TUBGCP2: variants seen among roughly 807,000 people sequenced by gnomAD.
TUBGCP2 encodes tubulin gamma complex component 2, also known as gamma-tubulin complex component 2.
In TUBGCP2, 55 loss-of-function variants were observed where a neutral mutation model predicts 92.2. The ratio of observed to expected loss-of-function variants is 0.60; its 90% confidence interval spans 0.48 to 0.75. The LOEUF (loss-of-function observed/expected upper bound fraction) is 0.75, where lower values mean the gene tolerates loss of function less well. TUBGCP2 is among the 30% of genes least tolerant of loss of function. TUBGCP2 has a pLI of 0.00. For synonymous variants in TUBGCP2, 533 were observed against 505.2 expected (o/e 1.06, Z -0.74); for missense variants, 1,093 against 1,188.9 (o/e 0.92, Z 1.19).
Position 133,293,121 on chromosome 10 carries a change from G to A in TUBGCP2, c.942C>T (p.His314=). The change falls in exon 7 of 18, where the codon CAC becomes CAT. Residue 314 remains histidine (H), a synonymous_variant. Transcript: ENST00000252936. ...LILVSQLEQL[H]RQGLLSLQKL... is the part of the protein sequence containing the mutation. ...TCTGCAGCGAAAGGAGGCCCTGCCT[G>A]TGCAGCTGCTCCAGCTGTGACACCA... is the stretch of plus-strand genomic sequence containing the variant. 6.2e-7 allele frequency: 1 copy of A among 1,613,904 alleles called. No homozygotes were observed. The highest frequency in any genetic ancestry group is 1.1e-5 in the South Asian group (1 of 91,074).
upstream of TUBGCP2, chr10:133,309,632 G>A (rs1847941284): frequency 3.2e-6 from 4 of 1,266,096 alleles, no homozygotes; most frequent in Non-Finnish European, 4.5e-6. Context: ...GCCTGTTTGT[G>A]AAACTTAATT....
At chr10:133,298,236 G>A in intron 4 of TUBGCP2, 125 bp from the exon 5 acceptor site, 1 of 1,044,544 alleles carries the variant, frequency 9.6e-7, no homozygotes, top group Non-Finnish European at 1.4e-6. Flanking sequence ...ACCCACAAAG[G>A]GTCAACCACA....
chr10:133,296,234 G>A (rs1847485101), intron 5 of TUBGCP2, among the ~76,000 whole-genome samples: 1 of 152,186 alleles, frequency 6.6e-6, no homozygotes, highest in Non-Finnish European at 1.5e-5. Flanking sequence ...TGGGGGGAAA[G>A]CCTGAACACC....
chr10:133,293,581 T>C lies in TUBGCP2; in HGVS notation c.805A>G (p.Ser269Gly), dbSNP rs555713963. ...GCCCACCTGGTCACAGCGGAGTAGC[T>C]GGCGGCCACTGGGAGGATCCTGTGC... is the stretch of plus-strand genomic sequence containing the variant. ...LVHRILPVAA[S>G]YSAVTRFIEE... Residue 269 changes from serine to glycine, a missense_variant, in exon 6 of 18, where the codon AGC becomes GGC. Ser to Gly is a moderately conservative substitution (Grantham distance 56). This residue lies in a region of TUBGCP2 where 490 missense variants were observed against 488.5 expected (regional missense o/e 1.00). Coordinates refer to ENST00000252936, the MANE Select transcript of TUBGCP2 (RefSeq NM_006659.4). 9 of 1,552,944 alleles carry C rather than the reference T, an allele frequency of 5.8e-6. No homozygotes were observed. The Middle Eastern group carries it at 6.7e-4, about 115-fold the overall frequency.
chr10:133,298,146 G>A (rs778351046), intron 4 of TUBGCP2, 35 bp from the exon 5 acceptor site: 4 of 1,605,828 alleles, frequency 2.5e-6, no homozygotes, highest in African/African-American at 2.7e-5. Flanking sequence ...AAACCAGAAA[G>A]ATACACTTTA....
At chr10:133,305,982 T>G (rs749004701) in intron 1 of TUBGCP2, among the ~76,000 whole-genome samples, 4 of 152,224 alleles carry the variant, frequency 2.6e-5, no homozygotes, top group Non-Finnish European at 5.9e-5. Context: ...CCCTAGGTCC[T>G]GCGTAGAGCT....
intron 11 of TUBGCP2, among the ~76,000 whole-genome samples, 161 bp downstream of exon 11, chr10:133,287,968 G>A (rs995636291): frequency 5.9e-5 from 9 of 152,150 alleles, no homozygotes; most frequent in Non-Finnish European, 1.3e-4. Flanking sequence ...AAAGACCCCC[G>A]ATCCCGGCAA....
Position 133,293,633 on chromosome 10 carries a change from G to C in TUBGCP2, c.753C>G (p.Asn251Lys), listed in dbSNP as rs1373065212. 6.3e-7 allele frequency: 1 copy of C among 1,575,732 alleles called. No individual in the cohort carries two copies. Among genetic ancestry groups the C allele is most frequent in the East Asian group, 2.3e-5 (1 of 42,924 alleles). ...CCAGCTCCCTGATGGACAGGTCCAG[G>C]TTGGGGTCCACGAGGAAGGTCCGGC... ...RQSRTFLVDP[N>K]LDLSIRELVH... The change falls in exon 6 of 18, where the codon AAC (asparagine) becomes AAG (lysine). Residue 251 changes from asparagine (N) to lysine (K), a missense_variant. Physicochemically the swap from Asn to Lys is moderately conservative, Grantham distance 94. This residue lies in a region of TUBGCP2 where 490 missense variants were observed against 488.5 expected (regional missense o/e 1.00). Coordinates refer to ENST00000252936, the MANE Select transcript of TUBGCP2 (RefSeq NM_006659.4).
At chr10:133,288,045 G>A in intron 11 of TUBGCP2, 84 bp downstream of exon 11, 15 of 1,484,980 alleles carry the variant, frequency 1.0e-5, no homozygotes, top group Non-Finnish European at 1.3e-5. Context: ...GGGAGTGGGG[G>A]ACAGGGCTGG....
In TUBGCP2 at chr10:133,282,232, G is replaced by C. The variant is rs555452407; in HGVS notation, c.2400C>G (p.Leu800=). 5.0e-6 allele frequency: 8 copies of C among 1,611,622 alleles called. No homozygotes were observed. Among genetic ancestry groups the C allele is most frequent in the Non-Finnish European group, 4.2e-6 (5 of 1,179,696 alleles). ...AGAEERARKE[L]ARKHLAEHAD... is the part of the protein sequence containing the mutation. The stretch of plus-strand genomic sequence containing the variant: ...CCTGGAGGCCACGCACCTTCCTGGC[G>C]AGCTCCTTCCGGGCCCGCTCCTCGG... The change falls in exon 16 of 18, where the codon CTC becomes CTG. Residue 800 remains leucine (L), a synonymous_variant. Coordinates refer to ENST00000252936, the MANE Select transcript of TUBGCP2 (RefSeq NM_006659.4).
intron 5 of TUBGCP2, chr10:133,297,334 G>T: frequency 2.5e-6 from 1 of 404,032 alleles, no homozygotes; most frequent in Non-Finnish European, 4.8e-6. Context: ...GGAGGTGGAG[G>T]TTGCAGTGTG....
At chr10:133,288,688 G>A (rs1017880758) in intron 10 of TUBGCP2, 152 bp downstream of exon 10, 6 of 951,014 alleles carry the variant, frequency 6.3e-6, no homozygotes, top group South Asian at 3.5e-5. Context: ...GTGAGTGCCA[G>A]GTCCTTGAGC....
chr10:133,312,331 G>T, upstream of TUBGCP2: 1 of 1,171,612 alleles, frequency 8.5e-7, no homozygotes, highest in Non-Finnish European at 1.1e-6. Flanking sequence ...AGTTAAAGTT[G>T]ATTTTAAATT....
intron 1 of TUBGCP2, among the ~76,000 whole-genome samples, chr10:133,304,411 G>C (rs1589837619): frequency 6.6e-6 from 1 of 152,244 alleles, no homozygotes; most frequent in South Asian, 2.1e-4. Flanking sequence ...TCTTAAGCCG[G>C]TATCCATGAG....
In TUBGCP2 at chr10:133,282,316, A is replaced by G. The variant is rs781228300; in HGVS notation, c.2316T>C (p.Asp772=). The G allele has an allele frequency of 3.1e-6, 5 of 1,605,458 alleles. No homozygotes were observed. The South Asian group carries it at 4.4e-5, about 14-fold the overall frequency. ...MQKFTQSMKL[D]GELGGQTLEH... Reference sequence around the variant, plus strand: ...CCAGCGTCTGCCCGCCCAGCTCGCCATCTAATTTCATGCTCTGTGTAAATT... The same window carrying G: ...CCAGCGTCTGCCCGCCCAGCTCGCCGTCTAATTTCATGCTCTGTGTAAATT... The change falls in exon 16 of 18, where the codon GAT becomes GAC. Residue 772 remains aspartate (D), a synonymous_variant. Coordinates refer to ENST00000252936, the MANE Select transcript of TUBGCP2 (RefSeq NM_006659.4).
chr10:133,294,619 T>C (rs1395931392), intron 5 of TUBGCP2, among the ~76,000 whole-genome samples: 1 of 151,894 alleles, frequency 6.6e-6, no homozygotes, highest in Non-Finnish European at 1.5e-5. Flanking sequence ...TTTTTTTTTT[T>C]CCTTTTTTTA....
Position 133,293,632 on chromosome 10 carries a change from G to C in TUBGCP2, c.754C>G (p.Leu252Val). 6.3e-7 allele frequency: 1 copy of C among 1,575,266 alleles called. No homozygotes were observed. Among genetic ancestry groups the C allele is most frequent in the South Asian group, 1.2e-5 (1 of 86,002 alleles). Reference protein sequence around the residue: ...QSRTFLVDPNLDLSIRELVHR... With the variant: ...QSRTFLVDPNVDLSIRELVHR... The stretch of plus-strand genomic sequence containing the variant: ...ACCAGCTCCCTGATGGACAGGTCCA[G>C]GTTGGGGTCCACGAGGAAGGTCCGG... Residue 252 changes from leucine to valine, a missense_variant, in exon 6 of 18, where the codon CTG becomes GTG. This residue lies in a region of TUBGCP2 where 490 missense variants were observed against 488.5 expected (regional missense o/e 1.00). Transcript: ENST00000252936.
upstream of TUBGCP2, chr10:133,310,242 C>T (rs1402849872): frequency 1.2e-6 from 2 of 1,614,054 alleles, no homozygotes; most frequent in East Asian, 4.5e-5. Context: ...GAGGATGCAC[C>T]TGTACCCCGC....
At chr10:133,287,695 C>G (rs1211622122) in intron 11 of TUBGCP2, among the ~76,000 whole-genome samples, 1 of 150,732 alleles carries the variant, frequency 6.6e-6, no homozygotes, top group Admixed American at 6.6e-5. Flanking sequence ...GAGCTGAGAT[C>G]ATGCCACTGC....
Sources: allele counts gnomAD v4.1 joint callset (sites outside exome capture counted in the v4.1 genomes callset), GRCh38; gene constraint gnomAD v4.1.1; regional missense constraint gnomAD v4.1.1; transcripts MANE v1.5; gene names NCBI Gene and HGNC (gene_info 2026-07-23, HGNC 2026-07-21).